RAD52: variants seen among roughly 807,000 people sequenced by gnomAD.
RAD52 encodes the protein RAD52 DNA repair protein.
Under a neutral mutation model 55.5 loss-of-function variants are expected in RAD52, and 47 were observed. That is an observed-to-expected ratio of 0.85 (90% CI 0.67 to 1.08). RAD52 has a LOEUF of 1.08. RAD52 is among the 50% of genes least tolerant of loss of function. The pLI is 0.00. For missense variants in RAD52, 468 were observed against 522.8 expected (o/e 0.90, Z 1.02); for synonymous variants, 184 against 198.9 (o/e 0.92, Z 0.63).
At chr12:977,826 A>G (rs1329214610) in intron 1 of RAD52, among the ~76,000 whole-genome samples, 1 of 152,210 alleles carries the variant, frequency 6.6e-6, no homozygotes, top group African/African-American at 2.4e-5. Flanking sequence ...TTATACACTG[A>G]CTTTTATCAG....
At chr12:957,711 GC>G (rs1011516470) in intron 1 of RAD52, among the ~76,000 whole-genome samples, 19 of 152,236 alleles carry the variant, frequency 1.2e-4, no homozygotes, top group African/African-American at 4.6e-4. Context: ...AATCACTTGA[GC>G]CCAGGAGGCG....
intron 1 of RAD52, chr12:974,673 TAAG>T (rs1463341933): frequency 6.6e-6 from 1 of 152,202 alleles, no homozygotes; most frequent in African/African-American, 2.4e-5. Context: ...CACTGCTCAA[TAAG>T]AATAGTAACT....
At chr12:941,838 T>C (rs1175465922) in intron 1 of RAD52, among the ~76,000 whole-genome samples, 2 of 152,112 alleles carry the variant, frequency 1.3e-5, no homozygotes, top group Non-Finnish European at 2.9e-5. Context: ...GGTTTCACCA[T>C]GTTGGCCAGG....
chr12:953,078 G>A (rs998768669), upstream of RAD52, among the ~76,000 whole-genome samples: 19 of 144,900 alleles, frequency 1.3e-4, no homozygotes, highest in African/African-American at 2.8e-4. Flanking sequence ...TGGGAGGGGG[G>A]CGGATCACTT....
At chr12:986,586 G>C (rs1339101239) in intron 1 of RAD52, among the ~76,000 whole-genome samples, 2 of 151,846 alleles carry the variant, frequency 1.3e-5, no homozygotes, top group Non-Finnish European at 2.9e-5. Flanking sequence ...GGTGGTCTCT[G>C]ACTCCTGTCC....
chr12:934,057 A>G, intron 1 of RAD52, among the ~76,000 whole-genome samples: 1 of 138,282 alleles, frequency 7.2e-6, no homozygotes, highest in Non-Finnish European at 1.5e-5. Context: ...AGCTATGACC[A>G]CCCCATCGCA....
intron 9 of RAD52, among the ~76,000 whole-genome samples, chr12:915,709 GT>G (rs955259064): frequency 2.5e-4 from 30 of 121,226 alleles, no homozygotes; most frequent in Admixed American, 2.0e-3. Context: ...CACAAGGCTT[GT>G]TTTTTTTTTG....
At chr12:958,309 G>A (rs1304163957) in intron 1 of RAD52, among the ~76,000 whole-genome samples, 1 of 152,178 alleles carries the variant, frequency 6.6e-6, no homozygotes, top group Non-Finnish European at 1.5e-5. Context: ...TCGGCCTCCT[G>A]GGTTCAAGCC....
intron 1 of RAD52, among the ~76,000 whole-genome samples, chr12:970,129 A>G (rs1372456360): frequency 6.6e-6 from 1 of 151,902 alleles, no homozygotes; most frequent in African/African-American, 2.4e-5. Context: ...CCAACATGCG[A>G]AACCCTGTCT....
At chr12:942,107 G>A (rs932955581) in intron 1 of RAD52, among the ~76,000 whole-genome samples, 2 of 152,102 alleles carry the variant, frequency 1.3e-5, no homozygotes, top group Non-Finnish European at 2.9e-5. Flanking sequence ...AGATAATTCT[G>A]ATATTTATAT....
At chr12:980,789 C>CTGTGTTACTTGGCT (rs1287776129) in intron 1 of RAD52, among the ~76,000 whole-genome samples, 2 of 152,064 alleles carry the variant, frequency 1.3e-5, no homozygotes, top group African/African-American at 4.8e-5. Flanking sequence ...ACTTTCTTGA[C>CTGTGTTACTTGGCT]AGTGTCTGTA....
intron 1 of RAD52, among the ~76,000 whole-genome samples, chr12:965,999 C>T (rs1428416151): frequency 6.6e-6 from 1 of 151,794 alleles, no homozygotes; most frequent in Non-Finnish European, 1.5e-5. Context: ...TTTTTTGAGT[C>T]AGGATCTCCC....
Position 930,047 on chromosome 12 carries a change from T to C in RAD52, c.280+4A>G, listed in dbSNP as rs1957246582. ...AAGTCCCCACTGCTGGAGAGCATACTCACCCACATTCTGCTGCGTGATGGA... is the reference window on the plus strand; with the variant it reads ...AAGTCCCCACTGCTGGAGAGCATACCCACCCACATTCTGCTGCGTGATGGA... On this transcript the variant is annotated splice_donor_region_variant and intron_variant, in intron 4 of 11. Coordinates refer to ENST00000358495, the MANE Select transcript of RAD52 (RefSeq NM_134424.4). The C allele has an allele frequency of 6.2e-7, 1 of 1,612,776 alleles. No homozygotes were observed. The highest frequency in any genetic ancestry group is 1.1e-5 in the South Asian group (1 of 91,054).
chr12:942,125 C>T (rs1172925258), intron 1 of RAD52, among the ~76,000 whole-genome samples: 1 of 152,040 alleles, frequency 6.6e-6, no homozygotes, highest in Non-Finnish European at 1.5e-5. Context: ...TATGGAAATG[C>T]AGAGGATTTA....
At chr12:962,141 A>G (rs1489555595) in intron 1 of RAD52, among the ~76,000 whole-genome samples, 2 of 152,202 alleles carry the variant, frequency 1.3e-5, no homozygotes, top group East Asian at 3.9e-4. Flanking sequence ...CAGAGAGAAG[A>G]AAATGTTTCA....
intron 1 of RAD52, among the ~76,000 whole-genome samples, chr12:937,330 T>C (rs1957689549): frequency 6.6e-6 from 1 of 152,134 alleles, no homozygotes; most frequent in Admixed American, 6.5e-5. Context: ...GAAAAAATAA[T>C]AGCACATACG....
At chr12:923,694 G>A (rs556616787) in intron 7 of RAD52, among the ~76,000 whole-genome samples, 1 of 152,152 alleles carries the variant, frequency 6.6e-6, no homozygotes, top group African/African-American at 2.4e-5. Flanking sequence ...TCACAACAAT[G>A]GGAATACACT....
chr12:914,562 GTCA>G (rs1424803385), intron 9 of RAD52, 30 bp from the exon 10 acceptor site: 3 of 1,611,410 alleles, frequency 1.9e-6, no homozygotes, highest in Non-Finnish European at 2.5e-6. Flanking sequence ...GAAAGGACAA[GTCA>G]TCATCACATC....
rs1466192971 is a variant in RAD52 at position 913,134 on chromosome 12, G to A, written c.*257C>T. ...CATAATAGTTCAGTAATAAATAGTG[G>A]GAAGCCTCACAAGCCGAAGAAAAGG... is the stretch of plus-strand genomic sequence containing the variant. On this transcript the variant is annotated 3_prime_UTR_variant, in exon 12 of 12. Coordinates refer to ENST00000358495, the MANE Select transcript of RAD52 (RefSeq NM_134424.4). 1 of 406,278 alleles carries A rather than the reference G, an allele frequency of 2.5e-6. No homozygotes were observed. The highest frequency in any genetic ancestry group is 2.1e-5 in the African/African-American group (1 of 48,402). The allele number at this position is 406,278 out of a possible 1,614,324, so 25.2% of individuals were successfully genotyped here.
Sources: allele counts gnomAD v4.1 joint callset (sites outside exome capture counted in the v4.1 genomes callset), GRCh38; gene constraint gnomAD v4.1.1; transcripts MANE v1.5; gene names NCBI Gene and HGNC (gene_info 2026-07-23, HGNC 2026-07-21).